Variants in DOCK1 observed in about 807,000 individuals in gnomAD.
DOCK1 encodes dedicator of cytokinesis protein 1.
A neutral mutation model predicts 262.7 loss-of-function variants in DOCK1; 138 were observed. The ratio of observed to expected loss-of-function variants is 0.53; its 90% confidence interval spans 0.46 to 0.61. The LOEUF (loss-of-function observed/expected upper bound fraction) is 0.61, where lower values mean the gene tolerates loss of function less well. Among genes scored for constraint, DOCK1 ranks in the 20% least tolerant of loss-of-function variants. DOCK1 has a pLI of 0.00. For missense variants in DOCK1, 1,908 were observed against 2,370.7 expected (o/e 0.80, Z 4.05); for synonymous variants, 866 against 867.4 (o/e 1.00, Z 0.03).
At chr10:127,330,267 T>C (rs901693689) in intron 29 of DOCK1, among the ~76,000 whole-genome samples, 1 of 152,162 alleles carries the variant, frequency 6.6e-6, no homozygotes, top group Non-Finnish European at 1.5e-5. Flanking sequence ...AAATTTTCTT[T>C]AAAGAACCAA....
intron 29 of DOCK1, among the ~76,000 whole-genome samples, chr10:127,280,031 TATAA>T (rs1287823748): frequency 2.5e-5 from 3 of 118,582 alleles, no homozygotes; most frequent in East Asian, 5.0e-4. Context: ...TATATATATA[TATAA>T]TTTTTTTTTT....
intron 1 of DOCK1, among the ~76,000 whole-genome samples, chr10:126,906,210 G>T (rs1007561695): frequency 6.6e-6 from 1 of 152,214 alleles, no homozygotes; most frequent in African/African-American, 2.4e-5. Context: ...GAGAGCGGGG[G>T]CCTGTTTTTG....
chr10:127,404,551 CAT>C (rs760769199), intron 40 of DOCK1, 122 bp downstream of exon 40: 4 of 861,698 alleles, frequency 4.6e-6, no homozygotes, highest in Non-Finnish European at 7.4e-6. Context: ...TCTACACTGC[CAT>C]AGCTCGGTGG....
intron 1 of DOCK1, among the ~76,000 whole-genome samples, chr10:126,931,629 G>A (rs2034194458): frequency 6.6e-6 from 1 of 152,144 alleles, no homozygotes; most frequent in African/African-American, 2.4e-5. Context: ...TGGGGTGGTC[G>A]ACTTTCCAGG....
intron 12 of DOCK1, among the ~76,000 whole-genome samples, chr10:127,016,991 A>T (rs1236490103): frequency 6.7e-5 from 10 of 149,954 alleles, no homozygotes; most frequent in Non-Finnish European, 8.9e-5. Flanking sequence ...ACACACACAC[A>T]GATACAGACA....
intron 32 of DOCK1, among the ~76,000 whole-genome samples, chr10:127,358,545 C>G (rs922366724): frequency 6.6e-5 from 10 of 152,354 alleles, no homozygotes; most frequent in African/African-American, 2.4e-4. Flanking sequence ...ATCCAGCACA[C>G]TGGAGCGAGC....
chr10:126,929,231 C>T (rs1195340974), intron 1 of DOCK1, among the ~76,000 whole-genome samples: 1 of 152,178 alleles, frequency 6.6e-6, no homozygotes, highest in Non-Finnish European at 1.5e-5. Context: ...AACCATTTTC[C>T]CCAGATTGCT....
chr10:127,243,194 T>C (rs974805812), intron 27 of DOCK1, among the ~76,000 whole-genome samples: 1 of 152,188 alleles, frequency 6.6e-6, no homozygotes, highest in African/African-American at 2.4e-5. Flanking sequence ...TCCTCAAGAA[T>C]ATGAATTAAA....
At chr10:126,999,228 A>G (rs1314143995) in intron 8 of DOCK1, 126 bp from the exon 9 acceptor site, 1 of 679,500 alleles carries the variant, frequency 1.5e-6, no homozygotes, top group Non-Finnish European at 2.4e-6. Flanking sequence ...TACTTTTGAT[A>G]TTTATAAACT....
intron 38 of DOCK1, among the ~76,000 whole-genome samples, chr10:127,396,966 C>T (rs188761844): frequency 0.28 from 27,165 of 97,968 alleles, 1,187 homozygotes; most frequent in Middle Eastern, 0.38. Context: ...ACACGGGCAG[C>T]GTCTCCTGTG....
intron 38 of DOCK1, among the ~76,000 whole-genome samples, chr10:127,390,291 A>C (rs1396406661): frequency 6.6e-6 from 1 of 152,184 alleles, no homozygotes; most frequent in Non-Finnish European, 1.5e-5. Flanking sequence ...GTTGTCCAGT[A>C]CTGAGTCCTG....
Position 127,176,342 on chromosome 10 carries a change from C to G in DOCK1, c.2847+48578C>G, listed in dbSNP as rs538123042. ...CCAGGGCCAGGCAGGCGGCGGGTTC[C>G]ACTTCACTCTCCGACGTTGTGAGTA... On this transcript the variant is annotated intron_variant, in intron 27 of 51. Coordinates refer to ENST00000623213, the MANE Select transcript of DOCK1 (RefSeq NM_001290223.2). This position sits in a 1 kb window ranked among gnomAD's most constrained non-coding sequence, Gnocchi z 4.4. 2.5e-6 allele frequency: 4 copies of G among 1,613,694 alleles called. No homozygotes were observed. The highest frequency in any genetic ancestry group is 3.4e-6 in the Non-Finnish European group (4 of 1,179,966).
intron 27 of DOCK1, among the ~76,000 whole-genome samples, chr10:127,194,655 C>T (rs1471304546): frequency 6.6e-6 from 1 of 152,164 alleles, no homozygotes; most frequent in Non-Finnish European, 1.5e-5. Context: ...CCAGCGCAGT[C>T]ACTCTGACAG....
At chr10:127,300,763 G>GC (rs1267300588) in intron 29 of DOCK1, among the ~76,000 whole-genome samples, 1 of 152,136 alleles carries the variant, frequency 6.6e-6, no homozygotes, top group Non-Finnish European at 1.5e-5. Context: ...TAATTCTGGA[G>GC]CCTGGCCTGC....
intron 1 of DOCK1, among the ~76,000 whole-genome samples, chr10:126,948,684 A>G (rs1414536638): frequency 2.0e-5 from 3 of 151,920 alleles, no homozygotes; most frequent in South Asian, 4.2e-4. Context: ...CTTCCCAGGA[A>G]TCCTCACCTC....
At chr10:127,288,158 C>T (rs1482494129) in intron 29 of DOCK1, among the ~76,000 whole-genome samples, 4 of 152,040 alleles carry the variant, frequency 2.6e-5, no homozygotes, top group African/African-American at 7.2e-5. Flanking sequence ...TGTCTAAGTC[C>T]GTTGTAGTTA....
At chr10:127,438,990 T>C (rs1181762554) in intron 48 of DOCK1, 37 bp from the exon 49 acceptor site, 1 of 1,517,246 alleles carries the variant, frequency 6.6e-7, no homozygotes, top group Admixed American at 2.2e-5. Flanking sequence ...GGAAAGCAAT[T>C]GCTCTCCTAT....
intron 29 of DOCK1, among the ~76,000 whole-genome samples, chr10:127,258,017 T>A (rs955314120): frequency 6.4e-4 from 97 of 152,300 alleles, no homozygotes; most frequent in African/African-American, 2.3e-3. Context: ...TCATCTCTGT[T>A]TTTCTTTCTC....
chr10:126,990,622 T>C lies in DOCK1; in HGVS notation c.473+19T>C. 1.9e-6 allele frequency: 3 copies of C among 1,611,716 alleles called. No homozygotes were observed. The highest frequency in any genetic ancestry group is 2.5e-6 in the Non-Finnish European group (3 of 1,178,670). On this transcript the variant is annotated intron_variant, in intron 6 of 51. Transcript: ENST00000623213. ...GAAACAGGTTTGTTTATTTGAAAGA[T>C]GATTTTACGCTTAAATTATCCAATG...
Sources: gnomAD v4.1 joint callset for allele counts (sites outside exome capture counted in the v4.1 genomes callset) on GRCh38, gnomAD v4.1.1 for gene constraint, Gnocchi (gnomAD v3.1) non-coding constraint, MANE v1.5 for transcripts, NCBI Gene and HGNC (gene_info 2026-07-23, HGNC 2026-07-21) for gene names.